Variants in MBOAT1 observed in about 807,000 individuals in gnomAD.
The protein encoded by MBOAT1 is membrane-bound glycerophospholipid O-acyltransferase 1.
Under a neutral mutation model 64.4 loss-of-function variants are expected in MBOAT1, and 67 were observed. The ratio of observed to expected loss-of-function variants is 1.04; its 90% CI spans 0.85 to 1.27. MBOAT1 has a LOEUF of 1.27. MBOAT1 is among the 50% of genes most tolerant of loss of function. The pLI, the probability that MBOAT1 is intolerant of heterozygous loss-of-function variation, is 0.00. For synonymous variants in MBOAT1, 229 were observed against 218.9 expected (o/e 1.05, Z -0.41); for missense variants, 563 against 604.6 (o/e 0.93, Z 0.72).
At chr6:20,116,727 T>C (rs1462509773) in intron 9 of MBOAT1, among the ~76,000 whole-genome samples, 1 of 152,252 alleles carries the variant, frequency 6.6e-6, no homozygotes, top group Non-Finnish European at 1.5e-5. Context: ...GATGAAAATG[T>C]AAACTTTCTC....
chr6:20,171,442 A>G (rs1233046908), intron 1 of MBOAT1, among the ~76,000 whole-genome samples: 2 of 151,270 alleles, frequency 1.3e-5, no homozygotes, highest in African/African-American at 4.9e-5. Flanking sequence ...AGTCCCAGCT[A>G]CTCAGGAGGC....
At chr6:20,127,170 C>T (rs1468473344) in intron 6 of MBOAT1, among the ~76,000 whole-genome samples, 4 of 152,094 alleles carry the variant, frequency 2.6e-5, no homozygotes, top group South Asian at 2.1e-4. Flanking sequence ...AAAGAGGCCA[C>T]GCAGAAGAAC....
At chr6:20,137,570 G>A (rs1345637841) in intron 4 of MBOAT1, among the ~76,000 whole-genome samples, 1 of 152,116 alleles carries the variant, frequency 6.6e-6, no homozygotes, top group Non-Finnish European at 1.5e-5. Flanking sequence ...AATTGTATTA[G>A]CAGCACCAAT....
intron 1 of MBOAT1, among the ~76,000 whole-genome samples, chr6:20,204,468 A>T (rs1250152008): frequency 2.6e-5 from 4 of 152,182 alleles, no homozygotes; most frequent in Non-Finnish European, 4.4e-5. Flanking sequence ...GAGACCAATA[A>T]ATATCTAAGA....
At chr6:20,203,124 T>C (rs1452228153) in intron 1 of MBOAT1, among the ~76,000 whole-genome samples, 2 of 152,170 alleles carry the variant, frequency 1.3e-5, no homozygotes, top group African/African-American at 4.8e-5. Context: ...GGCAACACAG[T>C]GAGACCCTGT....
intron 12 of MBOAT1, among the ~76,000 whole-genome samples, chr6:20,106,434 T>C (rs1473134409): frequency 6.6e-6 from 1 of 152,182 alleles, no homozygotes; most frequent in Non-Finnish European, 1.5e-5. Flanking sequence ...AACTCCTTTT[T>C]TTTTTTGAGA....
intron 7 of MBOAT1, chr6:20,125,923 T>C (rs1055598607): frequency 3.5e-5 from 15 of 432,292 alleles, no homozygotes; most frequent in Non-Finnish European, 6.8e-5. Context: ...ATAGGATATT[T>C]GACCTGAATA....
chr6:20,115,566 A>AT (rs970073070), intron 9 of MBOAT1, among the ~76,000 whole-genome samples: 1 of 152,002 alleles, frequency 6.6e-6, no homozygotes, highest in African/African-American at 2.4e-5. Context: ...CGAAGTCTCA[A>AT]TTTTTTTTCA....
intron 1 of MBOAT1, 137 bp from the exon 2 acceptor site, chr6:20,152,906 C>T (rs1348246319): frequency 2.3e-6 from 2 of 869,462 alleles, no homozygotes; most frequent in Non-Finnish European, 3.3e-6. Context: ...AAACTCGGCT[C>T]ACTGCAAGCT....
At chr6:20,148,097 T>G (rs1761380154) in intron 3 of MBOAT1, among the ~76,000 whole-genome samples, 1 of 152,200 alleles carries the variant, frequency 6.6e-6, no homozygotes, top group Non-Finnish European at 1.5e-5. Flanking sequence ...CAAAACCCTC[T>G]AAACAAATGC....
intron 1 of MBOAT1, among the ~76,000 whole-genome samples, chr6:20,188,109 G>A (rs982608995): frequency 2.0e-5 from 3 of 152,194 alleles, no homozygotes; most frequent in East Asian, 1.9e-4. Flanking sequence ...GGCATCTAAC[G>A]AGAAGGATTA....
intron 1 of MBOAT1, among the ~76,000 whole-genome samples, chr6:20,202,048 A>T (rs1763137329): frequency 6.6e-6 from 1 of 152,194 alleles, no homozygotes; most frequent in Non-Finnish European, 1.5e-5. Context: ...AGAAGTCTCA[A>T]TCTAGTGACA....
At chr6:20,198,420 A>G (rs1763023690) in intron 1 of MBOAT1, among the ~76,000 whole-genome samples, 1 of 152,186 alleles carries the variant, frequency 6.6e-6, no homozygotes, top group South Asian at 2.1e-4. Context: ...GGTGCTCTCT[A>G]AAGACCATCA....
intron 1 of MBOAT1, among the ~76,000 whole-genome samples, chr6:20,183,045 C>T (rs1392536333): frequency 6.6e-6 from 1 of 152,130 alleles, no homozygotes; most frequent in Non-Finnish European, 1.5e-5. Context: ...AGAGAAGCTC[C>T]CCAGCCTGAT....
intron 1 of MBOAT1, among the ~76,000 whole-genome samples, chr6:20,187,984 CAA>C (rs200463684): frequency 1.3e-5 from 2 of 150,072 alleles, no homozygotes; most frequent in Non-Finnish European, 3.0e-5. Flanking sequence ...GACCTTGTCT[CAA>C]AAAAAAAGAG....
At chr6:20,103,417 T>C (rs1759858214) in intron 12 of MBOAT1, among the ~76,000 whole-genome samples, 1 of 150,492 alleles carries the variant, frequency 6.6e-6, no homozygotes, top group Admixed American at 6.6e-5. Flanking sequence ...GTTGTTTTGG[T>C]TTTTTGTTTG....
chr6:20,188,912 A>G (rs146468186), intron 1 of MBOAT1, among the ~76,000 whole-genome samples: 2,014 of 152,230 alleles, frequency 0.013, 22 homozygotes, highest in Non-Finnish European at 0.022. Flanking sequence ...TCAACCAAGG[A>G]CCCATCCTAA....
At chr6:20,155,775 A>G (rs537313080) in intron 1 of MBOAT1, among the ~76,000 whole-genome samples, 221 of 152,286 alleles carry the variant, frequency 1.5e-3, no homozygotes, top group African/African-American at 5.2e-3. Flanking sequence ...ACTAAACTCT[A>G]ACTAGAGACT....
intron 3 of MBOAT1, among the ~76,000 whole-genome samples, chr6:20,144,992 T>G (rs555199943): frequency 2.7e-3 from 407 of 152,240 alleles, no homozygotes; most frequent in Non-Finnish European, 3.9e-3. Flanking sequence ...TAGTATACAC[T>G]AGCAATACAC....
Sources: allele counts gnomAD v4.1 joint callset (sites outside exome capture counted in the v4.1 genomes callset), GRCh38; gene constraint gnomAD v4.1.1; transcripts MANE v1.5; gene names NCBI Gene and HGNC (gene_info 2026-07-23, HGNC 2026-07-21).